ANKRD11: variants seen among roughly 807,000 people sequenced by gnomAD.
The protein encoded by ANKRD11 is ankyrin repeat domain 11.
Under a neutral mutation model 195.7 loss-of-function variants are expected in ANKRD11, and 17 were observed. That is an observed-to-expected ratio of 0.09 (90% CI 0.06 to 0.13). ANKRD11 has a LOEUF of 0.13. ANKRD11 is among the 10% of genes least tolerant of loss of function. The pLI, the probability that ANKRD11 is intolerant of heterozygous loss-of-function variation, is 1.00. For synonymous variants in ANKRD11, 1,953 were observed against 1,528.1 expected, an observed-to-expected ratio of 1.28 and a Z score of -6.49; for missense variants, 3,735 against 3,566.1, an observed-to-expected ratio of 1.05 and a Z score of -1.21.
At chr16:89,336,854 G>A (rs924305332) in intron 2 of ANKRD11, among the ~76,000 whole-genome samples, 5 of 151,982 alleles carry the variant, frequency 3.3e-5, no homozygotes, top group African/African-American at 4.8e-5. Flanking sequence ...GGCCGGGCGC[G>A]GTGGCTCACG....
chr16:89,286,564 G>T, intron 7 of ANKRD11: 1 of 797,788 alleles, frequency 1.3e-6, no homozygotes, highest in Non-Finnish European at 1.7e-6. Flanking sequence ...TCAGCAGAGT[G>T]GTGCCGGAGT....
At chr16:89,309,294 G>C (rs952919848) in intron 3 of ANKRD11, among the ~76,000 whole-genome samples, 2 of 152,172 alleles carry the variant, frequency 1.3e-5, no homozygotes, top group Non-Finnish European at 2.9e-5. Flanking sequence ...CAGACACTGT[G>C]GAGCAACTGA....
intron 1 of ANKRD11, among the ~76,000 whole-genome samples, chr16:89,486,492 A>C (rs1427092973): frequency 6.6e-6 from 1 of 151,780 alleles, no homozygotes; most frequent in Non-Finnish European, 1.5e-5. Flanking sequence ...ATATTACACT[A>C]AGACGCAAAG....
chr16:89,483,888 A>G (rs575966729), intron 1 of ANKRD11, among the ~76,000 whole-genome samples: 1 of 152,316 alleles, frequency 6.6e-6, no homozygotes, highest in Non-Finnish European at 1.5e-5. Context: ...AGAACTTCAA[A>G]TTTCAGATAG....
intron 7 of ANKRD11, chr16:89,286,969 A>G (rs1448794324): frequency 1.6e-6 from 2 of 1,289,786 alleles, no homozygotes; most frequent in South Asian, 2.5e-5. Flanking sequence ...TTCGTGTGTG[A>G]CATGTTCTAT....
At chr16:89,364,936 A>G (rs77777581) in intron 2 of ANKRD11, among the ~76,000 whole-genome samples, 4,506 of 152,346 alleles carry the variant, frequency 0.03, 149 homozygotes, top group African/African-American at 0.076. Flanking sequence ...CATTTCTTAC[A>G]AAGCCAAATG....
chr16:89,441,007 G>T (rs1321899979), intron 1 of ANKRD11, among the ~76,000 whole-genome samples: 1 of 152,168 alleles, frequency 6.6e-6, no homozygotes, highest in Non-Finnish European at 1.5e-5. Context: ...GGAGGCCGAG[G>T]CGGGCAGATC....
Position 89,387,597 on chromosome 16 carries a change from C to T in ANKRD11, c.-60+30687G>A, listed in dbSNP as rs745977164. On this transcript the variant is annotated intron_variant, in intron 2 of 12. Transcript: ENST00000301030. ...CTGAGGCAGGAGAATGGCGGGAACC[C>T]GGGAGGCAGAGCTTGCAGTGAGCCG... Among the ~76,000 whole-genome samples, 152 of 148,622 alleles carry T rather than the reference C, an allele frequency of 1.0e-3. 1 individual carries two copies. The highest frequency in any genetic ancestry group is 2.1e-3 in the African/African-American group (85 of 40,274).
rs2040818886 is a variant in ANKRD11 at position 89,384,680 on chromosome 16, C to T, written c.-60+33604G>A. 2.6e-5 allele frequency among the ~76,000 whole-genome samples: 4 copies of T among 152,192 alleles called. No individual in the cohort carries two copies. The South Asian group carries it at 8.3e-4, about 32-fold the overall frequency. ...AAAGGAGCTGCGAAGACACAAACTACAGAAAGAATAGAACTCAATTCTTCC... is the reference window on the plus strand; with the variant it reads ...AAAGGAGCTGCGAAGACACAAACTATAGAAAGAATAGAACTCAATTCTTCC... On this transcript the variant is annotated intron_variant, in intron 2 of 12. Transcript: ENST00000301030.
chr16:89,473,196 C>A (rs1469472684), intron 1 of ANKRD11, among the ~76,000 whole-genome samples: 1 of 149,766 alleles, frequency 6.7e-6, no homozygotes, highest in Non-Finnish European at 1.5e-5. Context: ...AAAAAAGGAT[C>A]ATTGGGAACA....
At chr16:89,301,396 G>A (rs550795508) in intron 4 of ANKRD11, 3 of 396,590 alleles carry the variant, frequency 7.6e-6, no homozygotes, top group South Asian at 1.4e-4. Flanking sequence ...TTTTTAAACT[G>A]AGACCACCCT....
At chr16:89,335,253 C>T (rs959160253) in intron 2 of ANKRD11, among the ~76,000 whole-genome samples, 1 of 152,156 alleles carries the variant, frequency 6.6e-6, no homozygotes, top group Non-Finnish European at 1.5e-5. Context: ...CAGCCTCACA[C>T]CACCCCTGTT....
At chr16:89,404,548 G>A (rs1418192534) in intron 2 of ANKRD11, among the ~76,000 whole-genome samples, 1 of 152,214 alleles carries the variant, frequency 6.6e-6, no homozygotes, top group African/African-American at 2.4e-5. Context: ...AGAAGAGAAG[G>A]AAAAGCTGCT....
At chr16:89,320,659 A>C (rs866907519) in intron 2 of ANKRD11, among the ~76,000 whole-genome samples, 1 of 152,086 alleles carries the variant, frequency 6.6e-6, no homozygotes, top group Admixed American at 6.5e-5. Context: ...ACACTCCCTG[A>C]AGCAGAAGCC....
intron 9 of ANKRD11, chr16:89,278,571 C>T (rs1239699236): frequency 2.2e-6 from 1 of 457,340 alleles, no homozygotes. Context: ...GAGGACCAAG[C>T]TGCCCCAAGG....
intron 2 of ANKRD11, among the ~76,000 whole-genome samples, chr16:89,367,415 C>T (rs1567707396): frequency 6.6e-6 from 1 of 152,192 alleles, no homozygotes; most frequent in Non-Finnish European, 1.5e-5. Flanking sequence ...CAACCTTAGC[C>T]GGCAACTCAG....
intron 1 of ANKRD11, among the ~76,000 whole-genome samples, chr16:89,452,970 G>C (rs1480690612): frequency 6.6e-6 from 1 of 151,912 alleles, no homozygotes; most frequent in Non-Finnish European, 1.5e-5. Context: ...TTTCTAAATA[G>C]AGACAGGGCC....
intron 2 of ANKRD11, among the ~76,000 whole-genome samples, chr16:89,372,226 C>A (rs1015794683): frequency 6.6e-6 from 1 of 152,222 alleles, no homozygotes; most frequent in East Asian, 1.9e-4. Flanking sequence ...ACACTCAGAG[C>A]TGGGGAAAGA....
chr16:89,449,743 A>C (rs928432745), intron 1 of ANKRD11, among the ~76,000 whole-genome samples: 3 of 152,164 alleles, frequency 2.0e-5, no homozygotes, highest in African/African-American at 4.8e-5. Context: ...CAGTGAGCCG[A>C]GATTGTGTCA....
Sources: gnomAD v4.1 joint callset for allele counts (sites outside exome capture counted in the v4.1 genomes callset) on GRCh38, gnomAD v4.1.1 for gene constraint, MANE v1.5 for transcripts, NCBI Gene and HGNC (gene_info 2026-07-23, HGNC 2026-07-21) for gene names.